FGF14: variants seen among roughly 807,000 people sequenced by gnomAD.
FGF14 encodes the protein fibroblast growth factor homologous factor 4.
FGF14 carries 5 observed loss-of-function variants against 25.5 expected under a neutral mutation model. The ratio of observed to expected loss-of-function variants is 0.20; its 90% CI spans 0.10 to 0.41. FGF14 has a LOEUF of 0.41. Among genes scored for constraint, FGF14 ranks in the 10% least tolerant of loss-of-function variants. The probability of loss-of-function intolerance (pLI) is 1.00; values close to 1 mark genes in which losing one functional copy is unlikely to be tolerated. For synonymous variants in FGF14, 138 were observed against 118.3 expected, an observed-to-expected ratio of 1.17 and a Z score of -1.08; for missense variants, 222 against 320.1, an observed-to-expected ratio of 0.69 and a Z score of 2.34.
Position 101,799,089 on chromosome 13 carries a change from C to T in FGF14, c.408+69636G>A, listed in dbSNP as rs554725719. Among the ~76,000 whole-genome samples the T allele has an allele frequency of 4.3e-4, 66 of 152,172 alleles. 2 individuals are homozygous for T. The South Asian group carries it at 0.012, about 27-fold the overall frequency. ...TTTGCTGCATACGAATGACTTCCAG[C>T]GAATTTTTTATGCAACATGAGTGTA... On this transcript the variant is annotated intron_variant, in intron 3 of 4. Transcript: ENST00000376143.
rs1416204402 is a variant in FGF14 at position 101,711,804 on chromosome 13, A to T, written c.*11027T>A. 1 of 152,256 alleles carries T rather than the reference A, an allele frequency of 6.6e-6. No individual in the cohort carries two copies. The highest frequency in any genetic ancestry group is 6.5e-5 in the Admixed American group (1 of 15,284). The allele number at this position is 152,256 out of a possible 1,614,324, so 9.4% of individuals were successfully genotyped here. On this transcript the variant is annotated 3_prime_UTR_variant, in exon 5 of 5. Transcript: ENST00000376143. ...AAATGCACAGAAGGGAGATGGGAAC[A>T]TTCTCAAGGGTCCTTATATTGAGAA... is the stretch of plus-strand genomic sequence containing the variant.
chr13:102,095,040 G>A (rs1027002566), intron 1 of FGF14, among the ~76,000 whole-genome samples: 1 of 152,122 alleles, frequency 6.6e-6, no homozygotes, highest in Non-Finnish European at 1.5e-5. Context: ...AAGCCTGGAA[G>A]GATCATACCA....
At chr13:102,315,647 T>C (rs1037336087) in intron 1 of FGF14, among the ~76,000 whole-genome samples, 2 of 152,198 alleles carry the variant, frequency 1.3e-5, no homozygotes, top group Non-Finnish European at 2.9e-5. Flanking sequence ...CTTGAAATAG[T>C]TGAGGATCCC....
At chr13:102,037,864 C>T (rs1032627352) in intron 1 of FGF14, among the ~76,000 whole-genome samples, 3 of 152,112 alleles carry the variant, frequency 2.0e-5, no homozygotes, top group Non-Finnish European at 4.4e-5. Context: ...CACTTCAGTA[C>T]TCCCTAGAAA....
rs547001530 is a variant in FGF14 at position 101,753,282 on chromosome 13, C to G, written c.409-26472G>C. The stretch of plus-strand genomic sequence containing the variant: ...ATATATGATCAAATACACACACACA[C>G]AGACACACACAGACAGACACACACA... On this transcript the variant is annotated intron_variant, in intron 3 of 4. Coordinates refer to ENST00000376143, the MANE Select transcript of FGF14 (RefSeq NM_004115.4). Among the ~76,000 whole-genome samples the G allele has an allele frequency of 4.1e-5, 5 of 121,920 alleles. No individual in the cohort carries two copies. The Admixed American group carries it at 4.7e-4, about 12-fold the overall frequency. 80.0% of individuals were successfully genotyped at this position (121,920 alleles called of 152,430 possible). A position where few individuals can be genotyped will look rare whatever the true frequency, so the allele number is the denominator to read the frequency against.
At chr13:101,910,035 T>C (rs1039591180) in intron 1 of FGF14, among the ~76,000 whole-genome samples, 19 of 151,700 alleles carry the variant, frequency 1.3e-4, no homozygotes, top group African/African-American at 4.6e-4. Flanking sequence ...TAGGTGGGAA[T>C]TGAACAAGGA....
chr13:102,196,700 T>A (rs1377187620), intron 1 of FGF14, among the ~76,000 whole-genome samples: 3 of 152,204 alleles, frequency 2.0e-5, no homozygotes, highest in Non-Finnish European at 2.9e-5. Flanking sequence ...ACATGTCAAA[T>A]CTACCCTTTT....
At chr13:101,966,572 T>A (rs1275882784) in intron 1 of FGF14, among the ~76,000 whole-genome samples, 1 of 152,092 alleles carries the variant, frequency 6.6e-6, no homozygotes, top group African/African-American at 2.4e-5. Flanking sequence ...AACCTCCGCC[T>A]CCCAGGTTCA....
intron 1 of FGF14, among the ~76,000 whole-genome samples, chr13:101,950,473 G>A (rs1245319103): frequency 6.6e-6 from 1 of 152,114 alleles, no homozygotes; most frequent in Non-Finnish European, 1.5e-5. Context: ...GCCTTTTACT[G>A]TCTTTTAATA....
intron 1 of FGF14, among the ~76,000 whole-genome samples, chr13:102,215,969 G>T (rs1417190426): frequency 6.6e-6 from 1 of 152,180 alleles, no homozygotes; most frequent in Middle Eastern, 3.2e-3. Flanking sequence ...GGTGCAGCTA[G>T]ATCCAGAAAT....
chr13:102,074,527 A>C lies in FGF14; in HGVS notation c.209-199231T>G, dbSNP rs373654596. ...CTGGAAACACAACTGTAAACAAGAT[A>C]GATTTAGTTTACATCTTCACAAAAT... On this transcript the variant is annotated intron_variant, in intron 1 of 4. Transcript: ENST00000376131. Among the ~76,000 whole-genome samples the C allele has an allele frequency of 6.6e-5, 10 of 152,218 alleles. No homozygotes were observed. In the East Asian group the frequency reaches 1.3e-3, roughly 21 times the overall value.
At chr13:102,268,307 T>TA (rs564844562) in intron 1 of FGF14, among the ~76,000 whole-genome samples, 13 of 151,878 alleles carry the variant, frequency 8.6e-5, no homozygotes, top group Admixed American at 2.6e-4. Context: ...AATGTGTAGT[T>TA]AAAAAAAACT....
intron 1 of FGF14, among the ~76,000 whole-genome samples, chr13:102,295,567 A>G (rs890424327): frequency 6.6e-6 from 1 of 152,140 alleles, no homozygotes; most frequent in African/African-American, 2.4e-5. Flanking sequence ...AGCAGGCATA[A>G]TTATTCCCTC....
intron 1 of FGF14, among the ~76,000 whole-genome samples, chr13:102,071,276 T>G (rs1370117937): frequency 6.6e-6 from 1 of 152,186 alleles, no homozygotes; most frequent in Non-Finnish European, 1.5e-5. Flanking sequence ...AAACATCATG[T>G]CTTTGTGGAT....
intron 1 of FGF14, among the ~76,000 whole-genome samples, chr13:102,000,429 A>G (rs1466399218): frequency 6.6e-6 from 1 of 152,244 alleles, no homozygotes; most frequent in African/African-American, 2.4e-5. Context: ...TGATGCAAAT[A>G]TCTGTAAAGA....
chr13:102,278,645 T>TATATATATATATATAC (rs1452733538), intron 1 of FGF14, among the ~76,000 whole-genome samples: 3 of 146,954 alleles, frequency 2.0e-5, no homozygotes, highest in Non-Finnish European at 4.5e-5. Context: ...TATATATATA[T>TATATATATATATATAC]ACATACACAC....
chr13:102,245,923 T>A (rs1050587803), intron 1 of FGF14, among the ~76,000 whole-genome samples: 1 of 152,120 alleles, frequency 6.6e-6, no homozygotes, highest in African/African-American at 2.4e-5. Context: ...CAGCTTACAG[T>A]CTGGTAAAAA....
intron 1 of FGF14, among the ~76,000 whole-genome samples, chr13:102,260,124 G>A (rs1222558935): frequency 1.3e-5 from 2 of 151,996 alleles, no homozygotes; most frequent in Non-Finnish European, 2.9e-5. Context: ...GGAAGAGGAA[G>A]AGAGAAGAAA....
chr13:102,152,335 T>C (rs1280121776), intron 1 of FGF14, among the ~76,000 whole-genome samples: 1 of 152,200 alleles, frequency 6.6e-6, no homozygotes, highest in Non-Finnish European at 1.5e-5. Context: ...GAGCAGAAAT[T>C]ACTTTCTCAC....
Sources: gnomAD v4.1 joint callset for allele counts (sites outside exome capture counted in the v4.1 genomes callset) on GRCh38, gnomAD v4.1.1 for gene constraint, MANE v1.5 for transcripts, NCBI Gene and HGNC (gene_info 2026-07-23, HGNC 2026-07-21) for gene names.